RPRD1B: variants seen among roughly 807,000 people sequenced by gnomAD.
The protein encoded by RPRD1B is regulation of nuclear pre-mRNA domain containing 1B.
Under a neutral mutation model 41.5 loss-of-function variants are expected in RPRD1B, and 11 were observed. That is an observed-to-expected ratio of 0.27 (90% CI 0.17 to 0.44). The LOEUF (loss-of-function observed/expected upper bound fraction) is 0.44. RPRD1B is among the 20% of genes least tolerant of loss of function. RPRD1B has a pLI of 1.00. For missense variants in RPRD1B, 248 were observed against 389.9 expected (o/e 0.64, Z 3.06); for synonymous variants, 158 against 155.6 (o/e 1.02, Z -0.12).
intron 1 of RPRD1B, among the ~76,000 whole-genome samples, chr20:38,038,307 A>C (rs931265873): frequency 7.4e-6 from 1 of 134,900 alleles, no homozygotes; most frequent in African/African-American, 2.9e-5. Context: ...CTGTAGCTAC[A>C]TTTTTTTTTT....
rs181332105 is a variant in RPRD1B at position 38,090,516 on chromosome 20, A to T, written c.*641A>T. ...ATAAGATTCAAAGCTAATCTGGAGC[A>T]TAAAGGCACAGTTCAGAGACAGAAT... On this transcript the variant is annotated 3_prime_UTR_variant, in exon 7 of 7. Coordinates refer to ENST00000373433, the MANE Select transcript of RPRD1B (RefSeq NM_021215.4). 198 of 985,962 alleles carry T rather than the reference A, an allele frequency of 2.0e-4. 1 individual carries two copies. Among genetic ancestry groups the T allele is most frequent in the Non-Finnish European group, 8.1e-5 (67 of 829,980 alleles). 61.1% of individuals were successfully genotyped at this position (985,962 alleles called of 1,614,324 possible).
chr20:38,072,278 C>G (rs551662613), intron 6 of RPRD1B, among the ~76,000 whole-genome samples: 68 of 152,318 alleles, frequency 4.5e-4, no homozygotes, highest in African/African-American at 1.3e-3. Context: ...AGAGACTACT[C>G]TTTTCCTCCA....
chr20:38,075,210 T>C (rs1034748046), intron 6 of RPRD1B, among the ~76,000 whole-genome samples: 3 of 152,256 alleles, frequency 2.0e-5, no homozygotes, highest in Non-Finnish European at 4.4e-5. Context: ...GCCACCAGAA[T>C]GCGTTCCTGC....
chr20:38,048,783 G>A (rs2074148025), intron 3 of RPRD1B, among the ~76,000 whole-genome samples: 1 of 152,114 alleles, frequency 6.6e-6, no homozygotes, highest in South Asian at 2.1e-4. Context: ...TCAGAGTTGT[G>A]GTGAACTAGG....
At chr20:38,043,206 C>T (rs2074085100) in intron 2 of RPRD1B, among the ~76,000 whole-genome samples, 1 of 152,162 alleles carries the variant, frequency 6.6e-6, no homozygotes, top group Non-Finnish European at 1.5e-5. Flanking sequence ...AGGAAGGCCT[C>T]TAAGGAAATG....
At chr20:38,063,209 G>T (rs968015421) in intron 5 of RPRD1B, among the ~76,000 whole-genome samples, 1 of 151,960 alleles carries the variant, frequency 6.6e-6, no homozygotes, top group South Asian at 2.1e-4. Flanking sequence ...TCACCTTAGC[G>T]AAGCTCACCC....
At chr20:38,065,745 A>G in intron 5 of RPRD1B, 1 of 184,496 alleles carries the variant, frequency 5.4e-6, no homozygotes, top group Non-Finnish European at 1.1e-5. Context: ...ATTCTCAGAG[A>G]CAAGGAACGA....
Position 38,085,079 on chromosome 20 carries a change from C to T in RPRD1B, c.832-4647C>T, listed in dbSNP as rs150981140. Reference sequence around the variant, plus strand: ...CCCCCACATCTCAGTATAAATAATGCGTGCGCTGGAGAGGAATAGCAACCA... The same window carrying T: ...CCCCCACATCTCAGTATAAATAATGTGTGCGCTGGAGAGGAATAGCAACCA... On this transcript the variant is annotated intron_variant, in intron 6 of 6. Coordinates refer to ENST00000373433, the MANE Select transcript of RPRD1B (RefSeq NM_021215.4). Among the ~76,000 whole-genome samples the T allele has an allele frequency of 7.7e-4, 117 of 152,252 alleles. 1 individual carries two copies. The highest frequency in any genetic ancestry group is 2.5e-3 in the African/African-American group (102 of 41,552).
intron 1 of RPRD1B, among the ~76,000 whole-genome samples, chr20:38,034,698 A>C (rs1443614706): frequency 6.6e-6 from 1 of 152,168 alleles, no homozygotes; most frequent in East Asian, 1.9e-4. Context: ...CTCCCATCTT[A>C]GGTTAAGGGG....
At chr20:38,037,552 A>G (rs1462421400) in intron 1 of RPRD1B, among the ~76,000 whole-genome samples, 1 of 152,166 alleles carries the variant, frequency 6.6e-6, no homozygotes, top group Non-Finnish European at 1.5e-5. Context: ...GTCCCCCAGG[A>G]TTGGGATGGA....
At chr20:38,063,736 G>T (rs534567248) in intron 5 of RPRD1B, among the ~76,000 whole-genome samples, 1 of 152,164 alleles carries the variant, frequency 6.6e-6, no homozygotes, top group Admixed American at 6.5e-5. Context: ...TGCGCATGCC[G>T]CTTGGAGGAC....
chr20:38,050,445 G>A (rs1286143704), intron 3 of RPRD1B, among the ~76,000 whole-genome samples: 1 of 152,118 alleles, frequency 6.6e-6, no homozygotes, highest in Non-Finnish European at 1.5e-5. Flanking sequence ...ACAGCTTTGG[G>A]GAATTACTCA....
Position 38,091,977 on chromosome 20 carries a change from G to T in RPRD1B, c.*2102G>T. 2.0e-6 allele frequency: 2 copies of T among 985,854 alleles called. No individual in the cohort carries two copies. The highest frequency in any genetic ancestry group is 3.5e-5 in the African/African-American group (2 of 57,346). 61.1% of individuals were successfully genotyped at this position (985,854 alleles called of 1,614,324 possible). A position where few individuals can be genotyped will look rare whatever the true frequency, so the allele number is the denominator to read the frequency against. ...GAGGAAGTTAGTTTTTTGTTTTGAT[G>T]AAATGCTTTCGTTTTTTAAATCTTA... On this transcript the variant is annotated 3_prime_UTR_variant, in exon 7 of 7. Coordinates refer to ENST00000373433, the MANE Select transcript of RPRD1B (RefSeq NM_021215.4).
At chr20:38,070,398 A>T in intron 6 of RPRD1B, 1 of 985,478 alleles carries the variant, frequency 1.0e-6, no homozygotes, top group South Asian at 4.7e-5. Context: ...GAGGTTAGAG[A>T]ATGTGGAGGG....
chr20:38,073,795 T>C (rs1021623559), intron 6 of RPRD1B, among the ~76,000 whole-genome samples: 3 of 152,200 alleles, frequency 2.0e-5, no homozygotes, highest in South Asian at 2.1e-4. Context: ...CTTGGGTTTA[T>C]GTGAACACTT....
chr20:38,086,494 C>T (rs189913118), intron 6 of RPRD1B, among the ~76,000 whole-genome samples: 1 of 152,126 alleles, frequency 6.6e-6, no homozygotes, highest in Non-Finnish European at 1.5e-5. Context: ...TTACCAGCCT[C>T]AGTGTTTTGT....
intron 3 of RPRD1B, among the ~76,000 whole-genome samples, chr20:38,053,710 A>G (rs984576431): frequency 6.6e-6 from 1 of 152,226 alleles, no homozygotes. Flanking sequence ...ACAGTCTTCC[A>G]TATTTACAGG....
At chr20:38,078,371 A>G (rs2074484149) in intron 6 of RPRD1B, among the ~76,000 whole-genome samples, 2 of 152,150 alleles carry the variant, frequency 1.3e-5, no homozygotes, top group Non-Finnish European at 1.5e-5. Context: ...TTTACTTTCC[A>G]TCAGTTATAC....
chr20:38,056,021 C>T (rs921200882), intron 3 of RPRD1B, among the ~76,000 whole-genome samples: 5 of 152,108 alleles, frequency 3.3e-5, no homozygotes, highest in East Asian at 1.9e-4. Context: ...TAATAGTATG[C>T]GCAAAGTGAG....
Sources: gnomAD v4.1 joint callset for allele counts (sites outside exome capture counted in the v4.1 genomes callset) on GRCh38, gnomAD v4.1.1 for gene constraint, MANE v1.5 for transcripts, NCBI Gene and HGNC (gene_info 2026-07-23, HGNC 2026-07-21) for gene names.